Variants in SLC35A3 observed in about 807,000 individuals in gnomAD.
SLC35A3 encodes the protein solute carrier family 35 member A3, also known as UDP-N-acetylglucosamine transporter.
Under a neutral mutation model 39.0 loss-of-function variants are expected in SLC35A3, and 26 were observed. The observed-to-expected ratio is 0.67, with a 90% CI of 0.49 to 0.92. The LOEUF is 0.92. SLC35A3 is among the 40% of genes least tolerant of loss of function. The probability of loss-of-function intolerance (pLI) is 0.00; values close to 1 mark genes in which losing one functional copy is unlikely to be tolerated. For missense variants in SLC35A3, 299 were observed against 371.6 expected (o/e 0.80, Z 1.61); for synonymous variants, 135 against 133.1 (o/e 1.01, Z -0.10).
At chr1:100,014,368 G>A (rs1659904486) in intron 5 of SLC35A3, among the ~76,000 whole-genome samples, 1 of 152,106 alleles carries the variant, frequency 6.6e-6, no homozygotes, top group Admixed American at 6.5e-5. Flanking sequence ...CTACAGGCAT[G>A]CACCACCACA....
chr1:100,016,399 A>C (rs1252215682), intron 6 of SLC35A3, among the ~76,000 whole-genome samples: 1 of 127,762 alleles, frequency 7.8e-6, no homozygotes, highest in Non-Finnish European at 1.6e-5. Flanking sequence ...TTTGAGACGG[A>C]GTCTCGCTCT....
intron 4 of SLC35A3, chr1:100,007,826 T>C (rs1557839321): frequency 6.6e-6 from 1 of 152,172 alleles, no homozygotes; most frequent in South Asian, 2.1e-4. Flanking sequence ...TTATGATTAT[T>C]ATTATTTTTA....
intron 6 of SLC35A3, 93 bp from the exon 7 acceptor site, chr1:100,017,588 TG>T: frequency 1.3e-6 from 1 of 749,772 alleles, no homozygotes; most frequent in Non-Finnish European, 2.0e-6. Flanking sequence ...ATTGAATTTA[TG>T]GGACAAAAGC....
At chr1:100,000,910 T>C (rs1178413160) in intron 3 of SLC35A3, among the ~76,000 whole-genome samples, 2 of 152,082 alleles carry the variant, frequency 1.3e-5, no homozygotes, top group Non-Finnish European at 2.9e-5. Flanking sequence ...GGATCTAGTG[T>C]CATTTTTCTT....
intron 1 of SLC35A3, among the ~76,000 whole-genome samples, chr1:99,972,586 C>T (rs554365127): frequency 1.3e-5 from 2 of 151,964 alleles, no homozygotes; most frequent in East Asian, 3.9e-4. Flanking sequence ...ATCCACCCAC[C>T]TCACCTCCTA....
chr1:99,980,915 A>T (rs192270402), intron 1 of SLC35A3, among the ~76,000 whole-genome samples: 1 of 152,232 alleles, frequency 6.6e-6, no homozygotes, highest in Admixed American at 6.5e-5. Flanking sequence ...TTTCCACGAG[A>T]TTATTATGGA....
intron 6 of SLC35A3, among the ~76,000 whole-genome samples, chr1:100,016,923 T>C (rs1660178454): frequency 6.6e-6 from 1 of 152,182 alleles, no homozygotes. Flanking sequence ...AATGACAACA[T>C]TGCCAAGAAA....
chr1:100,002,756 A>G (rs1375199941), intron 3 of SLC35A3, among the ~76,000 whole-genome samples: 1 of 151,826 alleles, frequency 6.6e-6, no homozygotes, highest in African/African-American at 2.4e-5. Flanking sequence ...AGCTGAGAAT[A>G]TAGGCATGTG....
At position 100,024,854 on chromosome 1, in the gene SLC35A3, C is replaced by T. The variant is rs147661822; in HGVS notation, c.*2378C>T. 0.013 allele frequency: 5,083 copies of T among 383,508 alleles called. 42 individuals carry two copies. Among genetic ancestry groups the T allele is most frequent in the Middle Eastern group, 0.038 (57 of 1,504 alleles). 23.8% of individuals were successfully genotyped at this position (383,508 alleles called of 1,614,324 possible). A position where few individuals can be genotyped will look rare whatever the true frequency, so the allele number is the denominator to read the frequency against. ...GTAAAAAATAAGTATTTTTATATAG[C>T]TCTCATGGATTTTATTAAACAGAAT... On this transcript the variant is annotated 3_prime_UTR_variant, in exon 8 of 8. Transcript: ENST00000533028.
intron 1 of SLC35A3, among the ~76,000 whole-genome samples, chr1:99,973,660 T>C (rs892226802): frequency 1.3e-5 from 2 of 152,124 alleles, no homozygotes; most frequent in Non-Finnish European, 2.9e-5. Context: ...TACTTAGAGA[T>C]AAGAAGTTTG....
At chr1:99,991,438 C>G (rs1658077842) in intron 1 of SLC35A3, among the ~76,000 whole-genome samples, 1 of 152,330 alleles carries the variant, frequency 6.6e-6, no homozygotes, top group Non-Finnish European at 1.5e-5. Context: ...GCCACCGCGC[C>G]CAGCCACCAG....
At chr1:99,980,059 A>G (rs1422880600) in intron 1 of SLC35A3, among the ~76,000 whole-genome samples, 1 of 151,764 alleles carries the variant, frequency 6.6e-6, no homozygotes, top group Non-Finnish European at 1.5e-5. Flanking sequence ...CTCTATATAT[A>G]TGTATATATA....
rs1401267556 is a variant in SLC35A3, at chr1:99,970,365, T to C, written c.-19+203T>C. 3 of 595,834 alleles carry C rather than the reference T, an allele frequency of 5.0e-6. No homozygotes were observed. In the East Asian group the frequency reaches 8.3e-5, roughly 17 times the overall value. The allele number at this position is 595,834 out of a possible 1,614,324, so 36.9% of individuals were successfully genotyped here. A position where few individuals can be genotyped will look rare whatever the true frequency, so the allele number is the denominator to read the frequency against. ...TGGGAGCAGATGAGGTGACACGTTG[T>C]AACTCCGACGGACGACGTGCGGAAT... On this transcript the variant is annotated intron_variant, in intron 1 of 7. Coordinates refer to ENST00000533028, the MANE Select transcript of SLC35A3 (RefSeq NM_012243.3).
chr1:99,995,176 T>C (rs1457542720), intron 2 of SLC35A3, among the ~76,000 whole-genome samples: 1 of 148,790 alleles, frequency 6.7e-6, no homozygotes, highest in Non-Finnish European at 1.5e-5. Context: ...TTTTCGAGAC[T>C]GAGTCTCACT....
At chr1:99,997,410 TTATATATATATATATATATATATATATA>T (rs71970416) in intron 2 of SLC35A3, among the ~76,000 whole-genome samples, 1,386 of 92,120 alleles carry the variant, frequency 0.015, 105 homozygotes, top group African/African-American at 0.07. Flanking sequence ...ATATATAGTT[TTATATATATATATATATATATATATATA>T]TATATATATA....
Position 100,022,508 on chromosome 1 carries a change from T to C in SLC35A3, c.*32T>C, listed in dbSNP as rs1660627688. The C allele has an allele frequency of 8.7e-7, 1 of 1,152,206 alleles. No homozygotes were observed. Among genetic ancestry groups the C allele is most frequent in the Non-Finnish European group, 1.3e-6 (1 of 773,642 alleles). The allele number at this position is 1,152,206 out of a possible 1,614,324, so 71.4% of individuals were successfully genotyped here. On this transcript the variant is annotated 3_prime_UTR_variant, in exon 8 of 8. Coordinates refer to ENST00000533028, the MANE Select transcript of SLC35A3 (RefSeq NM_012243.3). ...ACTATCTTTAACTGGTTTTTCACGA[T>C]GGGGCACTAGGAATCTCGACATTAA...
At position 100,011,909 on chromosome 1, in the gene SLC35A3, AGG is replaced by A. The variant is rs1444098803; in HGVS notation, c.634+378_634+379del. 4.6e-5 allele frequency among the ~76,000 whole-genome samples: 7 copies of A among 151,416 alleles called. No individual in the cohort carries two copies. In the East Asian group the frequency reaches 1.4e-3, roughly 30 times the overall value. ...AATTTTTTGTATTTTTAGTAGAGAT[AGG>A]GTTTCACTGTGTTAGACAGGATGGT... is the stretch of plus-strand genomic sequence containing the variant. On this transcript the variant is annotated intron_variant, in intron 5 of 7. Coordinates refer to ENST00000533028, the MANE Select transcript of SLC35A3 (RefSeq NM_012243.3).
intron 1 of SLC35A3, among the ~76,000 whole-genome samples, chr1:99,985,156 T>TAG (rs1295791465): frequency 6.6e-6 from 1 of 152,206 alleles, no homozygotes; most frequent in Non-Finnish European, 1.5e-5. Flanking sequence ...AGCCAATGTC[T>TAG]AGTAGGGTTT....
intron 1 of SLC35A3, chr1:99,970,508 G>T (rs1656740138): frequency 1.3e-6 from 2 of 1,509,098 alleles, no homozygotes; most frequent in South Asian, 2.4e-5. Context: ...GGCCCGGCTG[G>T]GGCCCGTCAT....
Sources: gnomAD v4.1 joint callset for allele counts (sites outside exome capture counted in the v4.1 genomes callset) on GRCh38, gnomAD v4.1.1 for gene constraint, MANE v1.5 for transcripts, NCBI Gene and HGNC (gene_info 2026-07-23, HGNC 2026-07-21) for gene names.